The following UAP1 variants were observed in gnomAD, a reference collection of about 807,000 sequenced individuals.
The protein encoded by UAP1 is UDP-N-acetylglucosamine pyrophosphorylase 1.
In UAP1, 25 loss-of-function variants were observed where a neutral mutation model predicts 58.5. The ratio of observed to expected loss-of-function variants is 0.43; its 90% CI spans 0.31 to 0.60. The LOEUF is 0.60. Among genes scored for constraint, UAP1 ranks in the 20% least tolerant of loss-of-function variants. UAP1 has a pLI of 0.11. For missense variants in UAP1, 575 were observed against 630.0 expected, an observed-to-expected ratio of 0.91 and a Z score of 0.93; for synonymous variants, 208 against 213.0, an observed-to-expected ratio of 0.98 and a Z score of 0.21.
chr1:162,589,208 AATATATATAAT>A (rs1655136853), intron 7 of UAP1, among the ~76,000 whole-genome samples: 1 of 50,390 alleles, frequency 2.0e-5, no homozygotes, highest in Non-Finnish European at 4.3e-5. Flanking sequence ...ATTATATTTA[AATATATATAAT>A]ATTTATATAT....
intron 2 of UAP1, among the ~76,000 whole-genome samples, chr1:162,568,800 GA>G (rs1653685952): frequency 6.6e-6 from 1 of 152,168 alleles, no homozygotes; most frequent in African/African-American, 2.4e-5. Context: ...ATTTTAAGGG[GA>G]TGAAGTCTTA....
chr1:162,565,051 T>C (rs1653403491), intron 1 of UAP1, among the ~76,000 whole-genome samples: 1 of 152,092 alleles, frequency 6.6e-6, no homozygotes, highest in African/African-American at 2.4e-5. Flanking sequence ...GTGTTTTTTG[T>C]AGGGGTGGGG....
chr1:162,587,295 T>C (rs1654953092), intron 5 of UAP1, among the ~76,000 whole-genome samples, 180 bp from the exon 6 acceptor site: 1 of 152,210 alleles, frequency 6.6e-6, no homozygotes, highest in Admixed American at 6.5e-5. Context: ...TCATTTCCAG[T>C]TGGAAAGTGC....
chr1:162,590,842 A>T (rs913174134), intron 8 of UAP1, among the ~76,000 whole-genome samples: 11 of 151,446 alleles, frequency 7.3e-5, no homozygotes, highest in African/African-American at 2.4e-4. Flanking sequence ...AAAGCCCATC[A>T]GTAACACACT....
At chr1:162,601,131 ATTATG>A (rs1420196786), downstream of UAP1, among the ~76,000 whole-genome samples, 3 of 152,354 alleles carry the variant, frequency 2.0e-5, no homozygotes, top group South Asian at 2.1e-4. Context: ...AGGTGATAGC[ATTATG>A]TATTTTTATG....
intron 2 of UAP1, among the ~76,000 whole-genome samples, chr1:162,575,934 C>T (rs570101640): frequency 1.3e-5 from 2 of 152,214 alleles, no homozygotes; most frequent in East Asian, 1.9e-4. Flanking sequence ...CCACCTGCCG[C>T]GGCCTCCCAA....
chr1:162,584,613 G>T (rs975947881), intron 5 of UAP1, among the ~76,000 whole-genome samples: 2 of 152,144 alleles, frequency 1.3e-5, no homozygotes, highest in African/African-American at 4.8e-5. Context: ...CTCCTGAGTA[G>T]CTGAGACTAC....
At chr1:162,574,150 T>TGGCACGATCTCAGCTCACTGCAGC in intron 2 of UAP1, among the ~76,000 whole-genome samples, 1 of 150,700 alleles carries the variant, frequency 6.6e-6, no homozygotes, top group East Asian at 2.0e-4. Context: ...TGGAATGCAG[T>TGGCACGATCTCAGCTCACTGCAGC]GGCACGATCT....
chr1:162,562,721 A>G (rs1207872388), intron 1 of UAP1, among the ~76,000 whole-genome samples: 2 of 152,292 alleles, frequency 1.3e-5, no homozygotes, highest in South Asian at 2.1e-4. Flanking sequence ...ACGGTTAGTC[A>G]GTTGGCTCAC....
intron 1 of UAP1, among the ~76,000 whole-genome samples, chr1:162,563,567 G>T (rs1293240904): frequency 6.6e-6 from 1 of 152,090 alleles, no homozygotes; most frequent in Non-Finnish European, 1.5e-5. Context: ...GTTTCACCAT[G>T]TTGGCCAGAA....
chr1:162,568,205 C>A (rs942986209), intron 2 of UAP1, among the ~76,000 whole-genome samples: 1 of 152,186 alleles, frequency 6.6e-6, no homozygotes, highest in East Asian at 1.9e-4. Flanking sequence ...CACTCTTTGG[C>A]ATCCCCTTAC....
chr1:162,588,497 GA>G (rs1384327379), intron 6 of UAP1, among the ~76,000 whole-genome samples, 195 bp from the exon 7 acceptor site: 2 of 151,834 alleles, frequency 1.3e-5, no homozygotes, highest in African/African-American at 4.8e-5. Context: ...ACTGTTATTT[GA>G]TTTTTTTTTA....
downstream of UAP1, chr1:162,599,937 T>C (rs1327279734): frequency 2.0e-5 from 3 of 152,210 alleles, no homozygotes; most frequent in Non-Finnish European, 4.4e-5. Flanking sequence ...TTCAGTGAGG[T>C]TGCAGAGTCA....
intron 2 of UAP1, among the ~76,000 whole-genome samples, chr1:162,575,416 T>C (rs1654116426): frequency 6.6e-6 from 1 of 152,258 alleles, no homozygotes; most frequent in East Asian, 1.9e-4. Flanking sequence ...TATAATAAAA[T>C]GCATTAGTTG....
At position 162,581,363 on chromosome 1, in the gene UAP1, C is replaced by T. The variant is rs1484214926; in HGVS notation, c.738C>T (p.Ser246=). ...ATATGGAGCAAAGAGGCATTTGGAG[C>T]ATTCATGTCTATTGTGTTGACAACA... is the stretch of plus-strand genomic sequence containing the variant. Residue 246 remains serine, a synonymous_variant, in exon 5 of 11, where the codon AGC becomes AGT. Coordinates refer to ENST00000271469, the Ensembl canonical transcript of UAP1. 13 of 1,614,042 alleles carry T rather than the reference C, an allele frequency of 8.1e-6. No homozygotes were observed. The East Asian group carries it at 8.9e-5, about 11-fold the overall frequency.
At chr1:162,584,412 T>C (rs1654785753) in intron 5 of UAP1, among the ~76,000 whole-genome samples, 1 of 152,274 alleles carries the variant, frequency 6.6e-6, no homozygotes, top group Admixed American at 6.5e-5. Flanking sequence ...AAAATATGTA[T>C]CTTAAAGCAC....
intron 1 of UAP1, among the ~76,000 whole-genome samples, chr1:162,564,850 T>C (rs1382753220): frequency 2.0e-5 from 3 of 152,174 alleles, no homozygotes; most frequent in Non-Finnish European, 4.4e-5. Context: ...TGCTTGCTCA[T>C]CATGGCCACC....
intron 2 of UAP1, among the ~76,000 whole-genome samples, chr1:162,575,818 A>G (rs1654147184): frequency 6.7e-6 from 1 of 149,518 alleles, no homozygotes; most frequent in South Asian, 2.1e-4. Context: ...CTCCTGTTTC[A>G]GCCTACAGGT....
chr1:162,599,357 T>C, exon 11 of UAP1: 1 of 1,608,094 alleles, frequency 6.2e-7, no homozygotes, highest in East Asian at 2.2e-5. Flanking sequence ...TGAAAAATGG[T>C]ATTTGAACCA....
Sources: allele counts gnomAD v4.1 joint callset (sites outside exome capture counted in the v4.1 genomes callset), GRCh38; gene constraint gnomAD v4.1.1; transcripts MANE v1.5; gene names NCBI Gene and HGNC (gene_info 2026-07-23, HGNC 2026-07-21).